PAK5: variants seen among roughly 807,000 people sequenced by gnomAD.
PAK5 encodes the protein serine/threonine-protein kinase PAK 5.
Under a neutral mutation model 65.9 loss-of-function variants are expected in PAK5, and 16 were observed. The observed-to-expected ratio is 0.24, with a 90% CI of 0.16 to 0.37. PAK5 has a LOEUF of 0.37. Among genes scored for constraint, PAK5 ranks in the 10% least tolerant of loss-of-function variants. PAK5 has a pLI of 1.00. For synonymous variants in PAK5, 371 were observed against 354.9 expected, an observed-to-expected ratio of 1.05 and a Z score of -0.51; for missense variants, 785 against 903.9, an observed-to-expected ratio of 0.87 and a Z score of 1.69.
At chr20:9,593,826 TTCTCTCTCTCTC>T (rs758935621) in intron 3 of PAK5, among the ~76,000 whole-genome samples, 1 of 148,504 alleles carries the variant, frequency 6.7e-6, no homozygotes, top group Non-Finnish European at 1.5e-5. Context: ...CTCTCTCTCT[TTCTCTCTCTCTC>T]TCTCTCTCCC....
At chr20:9,793,216 C>T (rs996288814) in intron 1 of PAK5, among the ~76,000 whole-genome samples, 9 of 152,126 alleles carry the variant, frequency 5.9e-5, no homozygotes, top group African/African-American at 2.2e-4. Flanking sequence ...AGATACTGTG[C>T]TAACTTCCTG....
intron 1 of PAK5, among the ~76,000 whole-genome samples, chr20:9,735,436 G>A (rs750470970): frequency 3.3e-5 from 5 of 152,112 alleles, no homozygotes; most frequent in African/African-American, 7.2e-5. Flanking sequence ...CACCTAAAAC[G>A]TTTAGAGGTT....
At chr20:9,696,235 T>C (rs2047867382) in intron 2 of PAK5, among the ~76,000 whole-genome samples, 1 of 152,058 alleles carries the variant, frequency 6.6e-6, no homozygotes, top group Non-Finnish European at 1.5e-5. Flanking sequence ...AACACAGTGG[T>C]TCTCAAGGTG....
At chr20:9,796,477 A>G (rs1316822154) in intron 1 of PAK5, among the ~76,000 whole-genome samples, 2 of 152,176 alleles carry the variant, frequency 1.3e-5, no homozygotes, top group African/African-American at 4.8e-5. Context: ...TATAGCATGT[A>G]GCCCAAGGCT....
At chr20:9,658,775 G>C (rs2047304502) in intron 2 of PAK5, among the ~76,000 whole-genome samples, 1 of 152,172 alleles carries the variant, frequency 6.6e-6, no homozygotes, top group Admixed American at 6.5e-5. Context: ...AGCTACCAAT[G>C]TGACATTGCA....
At chr20:9,743,556 G>A (rs2048474191) in intron 1 of PAK5, among the ~76,000 whole-genome samples, 1 of 152,076 alleles carries the variant, frequency 6.6e-6, no homozygotes, top group Non-Finnish European at 1.5e-5. Flanking sequence ...TGCAGAAAAG[G>A]GGATCTTTAG....
intron 4 of PAK5, among the ~76,000 whole-genome samples, chr20:9,573,432 G>A (rs2045827536): frequency 6.6e-6 from 1 of 152,018 alleles, no homozygotes; most frequent in Non-Finnish European, 1.5e-5. Flanking sequence ...GGGGTGGACG[G>A]GGCATAAAAC....
intron 3 of PAK5, among the ~76,000 whole-genome samples, chr20:9,628,133 G>T (rs958380973): frequency 6.6e-6 from 1 of 152,098 alleles, no homozygotes; most frequent in Non-Finnish European, 1.5e-5. Context: ...TGACCATTTG[G>T]TTTGATTCAT....
At chr20:9,761,711 C>G (rs1032519135) in intron 1 of PAK5, among the ~76,000 whole-genome samples, 7 of 152,072 alleles carry the variant, frequency 4.6e-5, no homozygotes, top group Non-Finnish European at 1.0e-4. Context: ...AAGTGGGTAA[C>G]TATGTGAGAT....
At chr20:9,661,203 G>A (rs1404876779) in intron 2 of PAK5, among the ~76,000 whole-genome samples, 1 of 152,150 alleles carries the variant, frequency 6.6e-6, no homozygotes, top group Non-Finnish European at 1.5e-5. Context: ...ATGTAATTAA[G>A]TGATTGTATG....
Position 9,767,147 on chromosome 20 carries a change from A to T in PAK5, c.-161-55712T>A, listed in dbSNP as rs142602044. ...CCTTCCAGAATTCATTTTAATAAGG[A>T]TGATTTTTATCAGGCCACATGCAGT... On this transcript the variant is annotated intron_variant, in intron 1 of 9. Transcript: ENST00000353224. 5.8e-3 allele frequency among the ~76,000 whole-genome samples: 887 copies of T among 152,250 alleles called. 14 individuals are homozygous for T. The highest frequency in any genetic ancestry group is 0.02 in the African/African-American group (850 of 41,554).
At chr20:9,607,874 T>C (rs1447279270) in intron 3 of PAK5, among the ~76,000 whole-genome samples, 1 of 152,062 alleles carries the variant, frequency 6.6e-6, no homozygotes, top group Non-Finnish European at 1.5e-5. Context: ...AAAATGATGC[T>C]TCTTTTTGGT....
intron 2 of PAK5, among the ~76,000 whole-genome samples, chr20:9,702,082 C>T (rs996766341): frequency 6.6e-6 from 1 of 152,028 alleles, no homozygotes. Context: ...CACCTTTGCC[C>T]TCAAAAATAA....
At chr20:9,823,510 A>G (rs890759012) in intron 1 of PAK5, among the ~76,000 whole-genome samples, 9 of 152,094 alleles carry the variant, frequency 5.9e-5, no homozygotes, top group Non-Finnish European at 1.5e-5. Flanking sequence ...AGTCTCACAG[A>G]TCTGATGGTT....
chr20:9,742,140 T>C (rs1472289019), intron 1 of PAK5, among the ~76,000 whole-genome samples: 5 of 152,090 alleles, frequency 3.3e-5, no homozygotes, highest in African/African-American at 1.2e-4. Flanking sequence ...GCTGACCTTC[T>C]TAGAGAAGAT....
At chr20:9,714,401 T>C (rs574096911) in intron 1 of PAK5, among the ~76,000 whole-genome samples, 58 of 152,284 alleles carry the variant, frequency 3.8e-4, no homozygotes, top group African/African-American at 1.1e-3. Context: ...CCATACTTAG[T>C]TCCTTGTATT....
chr20:9,645,828 C>T (rs1003133506), intron 2 of PAK5, among the ~76,000 whole-genome samples: 5 of 152,150 alleles, frequency 3.3e-5, no homozygotes, highest in Admixed American at 6.5e-5. Flanking sequence ...CCTCGTGATC[C>T]GCCCGCCTCG....
At chr20:9,630,891 C>T (rs1176231989) in intron 3 of PAK5, among the ~76,000 whole-genome samples, 4 of 152,054 alleles carry the variant, frequency 2.6e-5, no homozygotes, top group South Asian at 2.1e-4. Flanking sequence ...ATTTTTACAC[C>T]GGTTATCCTG....
intron 1 of PAK5, among the ~76,000 whole-genome samples, chr20:9,758,111 T>C (rs2048656689): frequency 6.6e-6 from 1 of 152,202 alleles, no homozygotes; most frequent in Non-Finnish European, 1.5e-5. Flanking sequence ...TTTCCTACAA[T>C]AGCAAATGTA....
Sources: gnomAD v4.1 joint callset for allele counts (sites outside exome capture counted in the v4.1 genomes callset) on GRCh38, gnomAD v4.1.1 for gene constraint, MANE v1.5 for transcripts, NCBI Gene and HGNC (gene_info 2026-07-23, HGNC 2026-07-21) for gene names.